PRXL2A: variants seen among roughly 807,000 people sequenced by gnomAD.
PRXL2A encodes the protein peroxiredoxin-like 2A.
Under a neutral mutation model 25.6 loss-of-function variants are expected in PRXL2A, and 26 were observed. That is an observed-to-expected ratio of 1.02 (90% CI 0.74 to 1.41). PRXL2A has a LOEUF of 1.41. Among genes scored for constraint, PRXL2A ranks in the 40% most tolerant of loss-of-function variants. The pLI is 0.00. For synonymous variants in PRXL2A, 98 were observed against 102.9 expected, an observed-to-expected ratio of 0.95 and a Z score of 0.29; for missense variants, 246 against 273.9, an observed-to-expected ratio of 0.90 and a Z score of 0.72.
intron 1 of PRXL2A, 21 bp from the exon 2 acceptor site, chr10:80,420,445 T>C (rs1193443230): frequency 6.4e-7 from 1 of 1,555,770 alleles, no homozygotes; most frequent in Admixed American, 1.9e-5. Context: ...TAACGCCTTC[T>C]TCCTTCTTCT....
At chr10:80,411,603 T>C (rs1484990869) in intron 1 of PRXL2A, among the ~76,000 whole-genome samples, 2 of 152,230 alleles carry the variant, frequency 1.3e-5, no homozygotes, top group Non-Finnish European at 2.9e-5. Context: ...CCATGTGACC[T>C]TGGACTAGCC....
At chr10:80,431,922 G>A (rs1490910357) in intron 5 of PRXL2A, 64 bp from the exon 6 acceptor site, 9 of 1,163,588 alleles carry the variant, frequency 7.7e-6, no homozygotes, top group Admixed American at 3.9e-5. Context: ...GCTGGTCCTC[G>A]ATGCCTGTCT....
intron 1 of PRXL2A, among the ~76,000 whole-genome samples, chr10:80,413,528 CTG>C (rs961423142): frequency 2.6e-5 from 4 of 152,152 alleles, no homozygotes; most frequent in Admixed American, 2.6e-4. Flanking sequence ...GACATGTGGG[CTG>C]TGTTACGAGC....
intron 2 of PRXL2A, 26 bp from the exon 3 acceptor site, chr10:80,422,391 T>G (rs573121586): frequency 6.3e-7 from 1 of 1,582,512 alleles, no homozygotes; most frequent in South Asian, 1.1e-5. Flanking sequence ...GGAGGAGATA[T>G]CGAATTTCTT....
At chr10:80,424,571 C>CA (rs35230786) in intron 3 of PRXL2A, among the ~76,000 whole-genome samples, 32,464 of 133,052 alleles carry the variant, frequency 0.24, 4,670 homozygotes, top group South Asian at 0.47. Context: ...GGGCAAGACT[C>CA]AAAAAAAAAA....
intron 5 of PRXL2A, among the ~76,000 whole-genome samples, chr10:80,431,173 C>T (rs1336734152): frequency 6.6e-6 from 1 of 152,120 alleles, no homozygotes; most frequent in Non-Finnish European, 1.5e-5. Context: ...GCTGGGAGTA[C>T]AGGTGTGAGC....
intron 1 of PRXL2A, among the ~76,000 whole-genome samples, chr10:80,418,981 C>G (rs1249895404): frequency 6.6e-6 from 1 of 151,872 alleles, no homozygotes; most frequent in African/African-American, 2.4e-5. Flanking sequence ...CCTCCTCTTT[C>G]TTTTCTTTTC....
intron 3 of PRXL2A, among the ~76,000 whole-genome samples, chr10:80,422,748 C>T (rs377490894): frequency 6.6e-6 from 1 of 151,636 alleles, no homozygotes; most frequent in Non-Finnish European, 1.5e-5. Context: ...CCAGGCCTTT[C>T]ACCCTGTGCT....
chr10:80,420,766 A>AC, intron 2 of PRXL2A, 121 bp downstream of exon 2: 4 of 727,958 alleles, frequency 5.5e-6, no homozygotes, highest in Non-Finnish European at 4.0e-6. Flanking sequence ...CATTAGGAAA[A>AC]ATTTAATAAC....
rs752199497 is a variant in PRXL2A at position 80,427,337 on chromosome 10, G to T, written c.417G>T (p.Lys139Asn). 6.2e-7 allele frequency: 1 copy of T among 1,613,772 alleles called. No individual in the cohort carries two copies. The change falls in exon 5 of 6, where the codon AAG (lysine) becomes AAT (asparagine). Residue 139 changes from lysine (K) to asparagine (N), a missense_variant. Lys to Asn is a moderately conservative substitution (Grantham distance 94, BLOSUM62 0). Coordinates refer to ENST00000606162, the MANE Select transcript of PRXL2A (RefSeq NM_032333.5). Reference protein sequence around the residue: ...KGEIFLDEKKKFYGPQRRKMM... With the variant: ...KGEIFLDEKKNFYGPQRRKMM... ...CTGTCTTTCTCACTCCATAGAAAAA[G>T]TTCTATGGTCCACAAAGGCGGAAGA...
chr10:80,415,801 A>G (rs980949309), intron 1 of PRXL2A, among the ~76,000 whole-genome samples: 1 of 152,200 alleles, frequency 6.6e-6, no homozygotes, highest in Admixed American at 6.5e-5. Flanking sequence ...CCAAACGCCC[A>G]TCACTGGACA....
At chr10:80,414,032 G>C (rs1055040145) in intron 1 of PRXL2A, among the ~76,000 whole-genome samples, 1 of 152,160 alleles carries the variant, frequency 6.6e-6, no homozygotes, top group Non-Finnish European at 1.5e-5. Flanking sequence ...AGAATGTTCT[G>C]ACTCCAAAGT....
intron 1 of PRXL2A, among the ~76,000 whole-genome samples, chr10:80,412,231 C>T (rs1187202993): frequency 6.6e-6 from 1 of 152,148 alleles, no homozygotes; most frequent in Non-Finnish European, 1.5e-5. Context: ...CGAGTGTCTT[C>T]ATACCTTAAG....
At chr10:80,425,525 T>C (rs1373901904) in intron 3 of PRXL2A, among the ~76,000 whole-genome samples, 1 of 152,204 alleles carries the variant, frequency 6.6e-6, no homozygotes, top group Non-Finnish European at 1.5e-5. Flanking sequence ...GGAGATCTTT[T>C]TAGAACGGGG....
intron 1 of PRXL2A, among the ~76,000 whole-genome samples, chr10:80,417,679 T>C (rs2131886897): frequency 6.6e-6 from 1 of 152,120 alleles, no homozygotes; most frequent in Admixed American, 6.5e-5. Context: ...GCCAAATTCC[T>C]CTTTCTTAGA....
At chr10:80,429,624 T>TCCTGC (rs1301122718) in intron 5 of PRXL2A, among the ~76,000 whole-genome samples, 9 of 72,322 alleles carry the variant, frequency 1.2e-4, no homozygotes, top group Non-Finnish European at 1.7e-4. Context: ...CCCTAGCCTC[T>TCCTGC]CCTGCCCTGC....
intron 1 of PRXL2A, among the ~76,000 whole-genome samples, chr10:80,415,926 C>T (rs1242385972): frequency 6.6e-6 from 1 of 152,112 alleles, no homozygotes; most frequent in Non-Finnish European, 1.5e-5. Context: ...AGTCAGAGTC[C>T]ATTTGTGGGA....
chr10:80,422,648 T>TG, intron 3 of PRXL2A, 140 bp downstream of exon 3: 1 of 464,436 alleles, frequency 2.2e-6, no homozygotes, highest in Middle Eastern at 3.3e-4. Flanking sequence ...TCTAGGTATT[T>TG]CTTTGATTTG....
Position 80,437,091 on chromosome 10 carries a change from AT to A in PRXL2A, c.*4995del, listed in dbSNP as rs1044196236. ...CTCACATACAATTATGATCAAATAAATTTGTTTGCTTTTTCTCCTGTTAATT... is the reference window on the plus strand; with the variant it reads ...CTCACATACAATTATGATCAAATAAATTGTTTGCTTTTTCTCCTGTTAATT... On this transcript the variant is annotated 3_prime_UTR_variant, in exon 6 of 6. Transcript: ENST00000606162. 1 of 152,200 alleles carries A rather than the reference AT, an allele frequency of 6.6e-6. No homozygotes were observed. The highest frequency in any genetic ancestry group is 2.4e-5 in the African/African-American group (1 of 41,448). The allele number at this position is 152,200 out of a possible 1,614,324, so 9.4% of individuals were successfully genotyped here.
Sources: gnomAD v4.1 joint callset for allele counts (sites outside exome capture counted in the v4.1 genomes callset) on GRCh38, gnomAD v4.1.1 for gene constraint, MANE v1.5 for transcripts, NCBI Gene and HGNC (gene_info 2026-07-23, HGNC 2026-07-21) for gene names.